Variants in TIAM1 observed in about 807,000 individuals in gnomAD.
TIAM1 encodes the protein rho guanine nucleotide exchange factor TIAM1.
TIAM1 carries 65 observed loss-of-function variants against 163.5 expected under a neutral mutation model. The observed-to-expected ratio is 0.40, with a 90% CI of 0.33 to 0.49. The LOEUF is 0.49. Among genes scored for constraint, TIAM1 ranks in the 20% least tolerant of loss-of-function variants. The pLI, the probability that TIAM1 is intolerant of heterozygous loss-of-function variation, is 0.77. For synonymous variants in TIAM1, 833 were observed against 810.1 expected (o/e 1.03, Z -0.48); for missense variants, 1,789 against 2,044.7 (o/e 0.87, Z 2.41).
At chr21:31,495,484 A>ACAGAGGAGCCTCCACGG (rs1334994054) in intron 1 of TIAM1, among the ~76,000 whole-genome samples, 1 of 152,176 alleles carries the variant, frequency 6.6e-6, no homozygotes, top group East Asian at 1.9e-4. Flanking sequence ...GCCATTCACG[A>ACAGAGGAGCCTCCACGG]CAGAGGAGCC....
At chr21:31,513,019 T>C (rs1007789470) in intron 1 of TIAM1, among the ~76,000 whole-genome samples, 1 of 152,144 alleles carries the variant, frequency 6.6e-6, no homozygotes, top group Non-Finnish European at 1.5e-5. Context: ...CACTAAAGAC[T>C]ATGAGGAAAC....
chr21:31,417,101 C>A (rs7278757), intron 2 of TIAM1, among the ~76,000 whole-genome samples: 7,937 of 152,276 alleles, frequency 0.052, 386 homozygotes, highest in African/African-American at 0.13. Context: ...CGGCTCACTG[C>A]AACCTCTGCC....
Position 31,475,381 on chromosome 21 carries a change from T to G in TIAM1, c.-421-11346A>C, listed in dbSNP as rs562703302. Among the ~76,000 whole-genome samples the G allele has an allele frequency of 1.4e-4, 22 of 152,316 alleles. No individual in the cohort carries two copies. The South Asian group carries it at 4.1e-3, about 29-fold the overall frequency. ...CTGCATCCGGCACTGTGAGCTATTCTAGTTATGAAGTTCTCTGAAACTCGT... is the reference window on the plus strand; with the variant it reads ...CTGCATCCGGCACTGTGAGCTATTCGAGTTATGAAGTTCTCTGAAACTCGT... On this transcript the variant is annotated intron_variant, in intron 1 of 28. Transcript: ENST00000286827.
chr21:31,558,384 C>T (rs1194107897), intron 1 of TIAM1, among the ~76,000 whole-genome samples: 2 of 152,166 alleles, frequency 1.3e-5, no homozygotes, highest in Non-Finnish European at 2.9e-5. Flanking sequence ...GCTTTCCGCC[C>T]GGTGAGCCCG....
intron 16 of TIAM1, among the ~76,000 whole-genome samples, chr21:31,163,253 T>C (rs904204737): frequency 3.3e-5 from 5 of 152,340 alleles, no homozygotes; most frequent in African/African-American, 7.2e-5. Context: ...TGTAACTTAA[T>C]AGATACCCTT....
chr21:31,188,128 T>A (rs761318314), intron 13 of TIAM1, among the ~76,000 whole-genome samples: 9 of 152,122 alleles, frequency 5.9e-5, no homozygotes, highest in South Asian at 4.1e-4. Flanking sequence ...TTAGGCCATG[T>A]CATGATGAAC....
intron 1 of TIAM1, among the ~76,000 whole-genome samples, chr21:31,510,477 G>C (rs1051426328): frequency 2.0e-5 from 3 of 152,204 alleles, no homozygotes; most frequent in Non-Finnish European, 4.4e-5. Flanking sequence ...AACATATGAA[G>C]TTTCAACATA....
At chr21:31,286,442 T>A (rs1209398790) in intron 2 of TIAM1, among the ~76,000 whole-genome samples, 2 of 152,158 alleles carry the variant, frequency 1.3e-5, no homozygotes, top group East Asian at 3.9e-4. Context: ...GCTTGGTGGC[T>A]CATGCCTGCA....
chr21:31,215,772 A>G (rs2146588007), intron 9 of TIAM1, among the ~76,000 whole-genome samples: 1 of 152,244 alleles, frequency 6.6e-6, no homozygotes, highest in East Asian at 1.9e-4. Flanking sequence ...AGATCACAAG[A>G]CAAACTGCGA....
chr21:31,267,926 T>C (rs1220045699), intron 3 of TIAM1, among the ~76,000 whole-genome samples: 2 of 152,174 alleles, frequency 1.3e-5, no homozygotes, highest in Non-Finnish European at 2.9e-5. Flanking sequence ...CCCTCCTTAA[T>C]ATTTTTACAG....
intron 7 of TIAM1, among the ~76,000 whole-genome samples, chr21:31,225,159 G>A (rs11910410): frequency 0.045 from 6,848 of 151,914 alleles, 512 homozygotes; most frequent in African/African-American, 0.15. Flanking sequence ...CTACAGTTGC[G>A]GCTAATTTTT....
intron 1 of TIAM1, among the ~76,000 whole-genome samples, chr21:31,477,401 C>T (rs1347703673): frequency 5.3e-5 from 8 of 151,864 alleles, no homozygotes; most frequent in Admixed American, 2.0e-4. Context: ...CTGATTTGAC[C>T]GATTCTTGTA....
chr21:31,175,099 C>T (rs912021495), intron 15 of TIAM1, among the ~76,000 whole-genome samples: 7 of 152,156 alleles, frequency 4.6e-5, no homozygotes, highest in Non-Finnish European at 4.4e-5. Context: ...CACACCACCA[C>T]GCCTGGCTAA....
chr21:31,326,244 A>G (rs1442265779), intron 2 of TIAM1, among the ~76,000 whole-genome samples: 1 of 152,174 alleles, frequency 6.6e-6, no homozygotes, highest in Non-Finnish European at 1.5e-5. Flanking sequence ...AATGGAGTTG[A>G]GCAGCTGCCA....
intron 2 of TIAM1, among the ~76,000 whole-genome samples, chr21:31,294,049 C>T (rs983812283): frequency 1.3e-5 from 2 of 152,210 alleles, no homozygotes; most frequent in African/African-American, 4.8e-5. Context: ...TCATCACCCT[C>T]TCCCACCTCT....
chr21:31,228,330 T>C (rs1294047961), intron 6 of TIAM1, among the ~76,000 whole-genome samples: 1 of 141,640 alleles, frequency 7.1e-6, no homozygotes, highest in African/African-American at 2.6e-5. Flanking sequence ...AGAACTCCTA[T>C]GCACTGCTGG....
intron 5 of TIAM1, among the ~76,000 whole-genome samples, chr21:31,251,088 T>A (rs1002448372): frequency 6.6e-6 from 1 of 152,224 alleles, no homozygotes; most frequent in African/African-American, 2.4e-5. Flanking sequence ...TTTCATAGAA[T>A]TCAAGCTAAT....
chr21:31,196,615 C>T (rs1313151258), intron 12 of TIAM1, among the ~76,000 whole-genome samples: 4 of 152,070 alleles, frequency 2.6e-5, no homozygotes, highest in African/African-American at 9.6e-5. Context: ...CCACCATGCC[C>T]GGCTGAGAAG....
intron 12 of TIAM1, among the ~76,000 whole-genome samples, chr21:31,201,300 G>T (rs182861292): frequency 1.1e-3 from 164 of 152,258 alleles, no homozygotes; most frequent in African/African-American, 3.7e-3. Flanking sequence ...GCCAGAAAAA[G>T]AATACATCAG....
Sources: allele counts gnomAD v4.1 joint callset (sites outside exome capture counted in the v4.1 genomes callset), GRCh38; gene constraint gnomAD v4.1.1; transcripts MANE v1.5; gene names NCBI Gene and HGNC (gene_info 2026-07-23, HGNC 2026-07-21).